CASP6: variants seen among roughly 807,000 people sequenced by gnomAD.
CASP6 encodes caspase-6.
CASP6 carries 20 observed loss-of-function variants against 31.8 expected under a neutral mutation model. The ratio of observed to expected loss-of-function variants is 0.63; its 90% CI spans 0.44 to 0.91. The LOEUF (loss-of-function observed/expected upper bound fraction) is 0.91. Ranked by LOEUF, CASP6 falls within the 40% of genes least tolerant of loss-of-function variation. CASP6 has a pLI of 0.00. For missense variants in CASP6, 328 were observed against 361.1 expected (o/e 0.91, Z 0.74); for synonymous variants, 130 against 127.8 (o/e 1.02, Z -0.12).
At chr4:109,685,511 A>T (rs1337431370), downstream of CASP6, 3 of 474,590 alleles carry the variant, frequency 6.3e-6, no homozygotes, top group African/African-American at 5.8e-5. Context: ...GAAATGGTTG[A>T]CATATTTCAT....
chr4:109,702,245 C>G (rs1163566163), intron 1 of CASP6, among the ~76,000 whole-genome samples: 1 of 152,200 alleles, frequency 6.6e-6, no homozygotes, highest in East Asian at 1.9e-4. Context: ...CAGCTTGCCT[C>G]TGGAGCACCA....
At chr4:109,668,899 A>G in the CASP6 span, among the ~76,000 whole-genome samples, 4 of 152,198 alleles carry the variant, frequency 2.6e-5, no homozygotes, top group South Asian at 8.3e-4. Context: ...CTTCACGGCT[A>G]GTGCAAATAC....
chr4:109,703,501 C>T, upstream of CASP6: 1 of 1,437,528 alleles, frequency 7.0e-7, no homozygotes. Context: ...CGCCCCCTGC[C>T]CCCGAGCGTG....
the CASP6 span, among the ~76,000 whole-genome samples, chr4:109,679,516 C>T: frequency 0.089 from 13,548 of 152,108 alleles, 674 homozygotes; most frequent in Middle Eastern, 0.11. Flanking sequence ...AGTGGCAGCA[C>T]GTGCCTGGAA....
the CASP6 span, among the ~76,000 whole-genome samples, chr4:109,671,126 A>G: frequency 6.6e-6 from 1 of 152,152 alleles, no homozygotes; most frequent in African/African-American, 2.4e-5. Flanking sequence ...GTTGATTTTC[A>G]TTGTATTCAG....
upstream of CASP6, among the ~76,000 whole-genome samples, chr4:109,706,027 TATATA>T (rs1394884148): frequency 2.1e-4 from 20 of 97,228 alleles, no homozygotes; most frequent in African/African-American, 9.3e-4. Flanking sequence ...TATATATATA[TATATA>T]ATATATATAA....
downstream of CASP6, chr4:109,685,173 G>A (rs1368419438): frequency 4.5e-6 from 3 of 669,784 alleles, no homozygotes; most frequent in Non-Finnish European, 8.0e-6. Context: ...TGGTGTTGCT[G>A]AGTCAAGTAT....
chr4:109,689,641 C>G, intron 6 of CASP6, 73 bp from the exon 7 acceptor site: 2 of 1,336,274 alleles, frequency 1.5e-6, no homozygotes, highest in African/African-American at 2.9e-5. Context: ...TTTTTAGTTA[C>G]AGAAGTATAA....
At chr4:109,692,184 G>A (rs1054779713) in intron 5 of CASP6, 1 of 152,100 alleles carries the variant, frequency 6.6e-6, no homozygotes, top group Non-Finnish European at 1.5e-5. Flanking sequence ...TTTAATCTTC[G>A]TATCAGCAGG....
At chr4:109,683,928 A>G (rs575333022), downstream of CASP6, among the ~76,000 whole-genome samples, 3 of 152,282 alleles carry the variant, frequency 2.0e-5, no homozygotes, top group Admixed American at 2.0e-4. Context: ...TTACCTTTAT[A>G]GTTTTAAAGA....
At chr4:109,703,485 CG>C, upstream of CASP6, 1 of 1,505,036 alleles carries the variant, frequency 6.6e-7, no homozygotes, top group South Asian at 1.2e-5. Flanking sequence ...CCTTCCTCGG[CG>C]GCCCCGCCCC....
At chr4:109,680,336 T>A in the CASP6 span, among the ~76,000 whole-genome samples, 1 of 152,152 alleles carries the variant, frequency 6.6e-6, no homozygotes, top group East Asian at 1.9e-4. Context: ...TTTTTGTAAA[T>A]TTTCATTTCC....
At position 109,696,496 on chromosome 4, in the gene CASP6, T is replaced by C; in HGVS notation, c.231-10A>G. On this transcript the variant is annotated splice_polypyrimidine_tract_variant and intron_variant, in intron 3 of 6. Coordinates refer to ENST00000265164, the MANE Select transcript of CASP6 (RefSeq NM_001226.4). ...TCCTAGATCTGAAAACCTAGTGGTA[T>C]ATTAAATGAAATGTTAGCCTATAAA... The C allele has an allele frequency of 6.3e-7, 1 of 1,589,724 alleles. No homozygotes were observed. Among genetic ancestry groups the C allele is most frequent in the East Asian group, 2.2e-5 (1 of 44,710 alleles).
chr4:109,703,542 G>A (rs947298108), upstream of CASP6: 2 of 1,002,704 alleles, frequency 2.0e-6, no homozygotes, highest in Admixed American at 2.7e-5. Context: ...CGCGCCGCCC[G>A]GGCTCCCGTG....
At position 109,689,390 on chromosome 4, in the gene CASP6, C is replaced by G; in HGVS notation, c.822G>C (p.Gln274His). The stretch of plus-strand genomic sequence containing the variant: ...TTAGCATTGAGGCAAAACAGGGAAC[C>G]TGCTTCTTTCCAATTGCACTTGGGT... ...CKDPSAIGKKQVPCFASMLTK... is the reference protein window; with the variant it reads ...CKDPSAIGKKHVPCFASMLTK... The change falls in exon 7 of 7, where the codon CAG becomes CAC. Residue 274 changes from glutamine to histidine, a missense_variant. Physicochemically the swap from Gln to His is conservative, Grantham distance 24 (BLOSUM62 0). Coordinates refer to ENST00000265164, the MANE Select transcript of CASP6 (RefSeq NM_001226.4). 1.2e-6 allele frequency: 2 copies of G among 1,614,188 alleles called. No individual in the cohort carries two copies. Among genetic ancestry groups the G allele is most frequent in the Non-Finnish European group, 1.7e-6 (2 of 1,180,042 alleles).
At chr4:109,673,522 GTC>G in the CASP6 span, among the ~76,000 whole-genome samples, 19 of 152,198 alleles carry the variant, frequency 1.2e-4, no homozygotes, top group Non-Finnish European at 2.4e-4. Context: ...GACTTGCCAA[GTC>G]TCACAGTGTA....
At chr4:109,703,697 G>T (rs1315820113), upstream of CASP6, 2 of 483,386 alleles carry the variant, frequency 4.1e-6, no homozygotes, top group Non-Finnish European at 7.3e-6. Context: ...CATGCCAGTT[G>T]CCACCCGGGG....
downstream of CASP6, chr4:109,687,633 T>C (rs769634572): frequency 7.5e-7 from 1 of 1,339,100 alleles, no homozygotes; most frequent in Non-Finnish European, 1.1e-6. Flanking sequence ...CATTATGTAT[T>C]GATTTTGCAA....
At chr4:109,704,173 G>C (rs1252011774), upstream of CASP6, among the ~76,000 whole-genome samples, 4 of 152,120 alleles carry the variant, frequency 2.6e-5, no homozygotes, top group African/African-American at 9.7e-5. Flanking sequence ...TCCTACAAAG[G>C]CCTCTAAGTG....
Sources: allele counts gnomAD v4.1 joint callset (sites outside exome capture counted in the v4.1 genomes callset), GRCh38; gene constraint gnomAD v4.1.1; transcripts MANE v1.5; gene names NCBI Gene and HGNC (gene_info 2026-07-23, HGNC 2026-07-21).